The following STPG2 variants were observed in gnomAD, a reference collection of about 807,000 sequenced individuals.
STPG2 encodes sperm-tail PG-rich repeat-containing protein 2.
In STPG2, 56 loss-of-function variants were observed where a neutral mutation model predicts 54.2. The ratio of observed to expected loss-of-function variants is 1.03; its 90% CI spans 0.83 to 1.29. The LOEUF (loss-of-function observed/expected upper bound fraction) is 1.29. Among genes scored for constraint, STPG2 ranks in the 50% most tolerant of loss-of-function variants. STPG2 has a pLI of 0.00. For synonymous variants in STPG2, 200 were observed against 181.8 expected (o/e 1.10, Z -0.81); for missense variants, 596 against 544.9 (o/e 1.09, Z -0.93).
intron 8 of STPG2, among the ~76,000 whole-genome samples, chr4:97,928,562 T>C (rs1458077168): frequency 6.6e-6 from 1 of 152,200 alleles, no homozygotes; most frequent in Non-Finnish European, 1.5e-5. Context: ...TCCTTTGACC[T>C]CTCCCTGGGT....
chr4:97,802,533 G>A (rs1242711365), intron 9 of STPG2, among the ~76,000 whole-genome samples: 18 of 151,936 alleles, frequency 1.2e-4, no homozygotes, highest in Admixed American at 1.2e-3. Context: ...TGCAATGGTG[G>A]GATCTGGGCT....
intron 8 of STPG2, among the ~76,000 whole-genome samples, chr4:97,910,746 C>T (rs1410689288): frequency 6.6e-6 from 1 of 151,816 alleles, no homozygotes; most frequent in Admixed American, 6.6e-5. Context: ...ATGACAACAC[C>T]AAGATGGAAC....
At chr4:97,926,740 C>T (rs1732345429) in intron 8 of STPG2, among the ~76,000 whole-genome samples, 1 of 151,954 alleles carries the variant, frequency 6.6e-6, no homozygotes. Context: ...TTAACATGTT[C>T]TTCATTAATA....
intron 8 of STPG2, among the ~76,000 whole-genome samples, chr4:97,911,795 A>AG (rs1489302671): frequency 1.3e-5 from 2 of 152,148 alleles, no homozygotes; most frequent in Non-Finnish European, 2.9e-5. Context: ...GGTCTGCAGG[A>AG]GAAGGGTTCT....
At chr4:97,778,749 C>A (rs558639887) in intron 9 of STPG2, among the ~76,000 whole-genome samples, 1 of 152,160 alleles carries the variant, frequency 6.6e-6, no homozygotes, top group African/African-American at 2.4e-5. Context: ...GAGGAACAAT[C>A]GGGCAGCAAC....
intron 5 of STPG2, among the ~76,000 whole-genome samples, chr4:97,982,121 T>C (rs186890162): frequency 6.6e-6 from 1 of 152,156 alleles, no homozygotes; most frequent in South Asian, 2.1e-4. Flanking sequence ...CCTGACCTTG[T>C]GATTTGCCCG....
intron 7 of STPG2, among the ~76,000 whole-genome samples, chr4:97,969,270 T>G (rs557775681): frequency 6.6e-6 from 1 of 152,222 alleles, no homozygotes; most frequent in African/African-American, 2.4e-5. Flanking sequence ...TTAAGGCTGT[T>G]AGGAATTGCT....
chr4:97,730,729 T>C (rs912651501), intron 9 of STPG2, among the ~76,000 whole-genome samples: 2 of 152,220 alleles, frequency 1.3e-5, no homozygotes, highest in African/African-American at 4.8e-5. Flanking sequence ...TTTAAATCTT[T>C]TTTTCTGACT....
chr4:97,919,181 G>C (rs899747061), intron 8 of STPG2, among the ~76,000 whole-genome samples: 7 of 151,842 alleles, frequency 4.6e-5, no homozygotes, highest in Admixed American at 2.0e-4. Flanking sequence ...AGAATTTGTA[G>C]AATTCAGCTA....
At chr4:97,959,891 C>T (rs965774405) in intron 7 of STPG2, among the ~76,000 whole-genome samples, 12 of 151,666 alleles carry the variant, frequency 7.9e-5, no homozygotes, top group African/African-American at 2.9e-4. Context: ...AAGGACATAA[C>T]AAAAAAAGAA....
intron 9 of STPG2, among the ~76,000 whole-genome samples, chr4:97,738,172 G>A (rs1027634653): frequency 5.3e-5 from 8 of 152,158 alleles, no homozygotes; most frequent in Non-Finnish European, 1.0e-4. Context: ...GAGAGATTTT[G>A]TTACCACCAG....
chr4:97,943,933 C>A lies in STPG2; in HGVS notation c.1008G>T (p.Leu336Phe). The A allele has an allele frequency of 1.3e-6, 2 of 1,592,240 alleles. No homozygotes were observed. The highest frequency in any genetic ancestry group is 1.1e-5 in the South Asian group (1 of 86,964). ...CTTTCATAGTTCTTTTGGCTCTTGACAAGAAAGCAGCATATTTGTTAGTCA... is the reference window on the plus strand; with the variant it reads ...CTTTCATAGTTCTTTTGGCTCTTGAAAAGAAAGCAGCATATTTGTTAGTCA... ...PNLTNKYAAF[L>F]SRAKRTMKVP... Residue 336 changes from leucine (L) to phenylalanine (F), a missense_variant, in exon 8 of 11, where the codon TTG (leucine) becomes TTT (phenylalanine). By Grantham distance (22) the Leu-to-Phe change is conservative. Coordinates refer to ENST00000295268, the MANE Select transcript of STPG2 (RefSeq NM_174952.3).
intron 8 of STPG2, among the ~76,000 whole-genome samples, chr4:97,923,050 C>G (rs2149211399): frequency 6.6e-6 from 1 of 152,320 alleles, no homozygotes. Flanking sequence ...TTCCCATGTA[C>G]TTGTGTTGAT....
At chr4:97,775,294 G>A (rs749612464) in intron 9 of STPG2, among the ~76,000 whole-genome samples, 6 of 152,132 alleles carry the variant, frequency 3.9e-5, no homozygotes, top group South Asian at 2.1e-4. Flanking sequence ...GAGGCTACAC[G>A]TGCACAACGT....
chr4:98,111,722 A>G (rs1301968164), intron 3 of STPG2, among the ~76,000 whole-genome samples: 1 of 152,140 alleles, frequency 6.6e-6, no homozygotes. Flanking sequence ...TATGTATTTG[A>G]GGCTGTTTCC....
intron 10 of STPG2, among the ~76,000 whole-genome samples, chr4:97,595,727 T>C (rs745936566): frequency 6.6e-6 from 1 of 152,096 alleles, no homozygotes; most frequent in Non-Finnish European, 1.5e-5. Context: ...CTAAGGGAAT[T>C]TGTTACCACC....
chr4:97,493,108 G>A (rs1242384073), intron 4 of STPG2, among the ~76,000 whole-genome samples: 1 of 150,828 alleles, frequency 6.6e-6, no homozygotes, highest in Admixed American at 6.7e-5. Flanking sequence ...TACTTTGCAG[G>A]ATAGGCCACC....
chr4:97,523,843 G>A (rs931910240), intron 4 of STPG2, among the ~76,000 whole-genome samples: 3 of 151,904 alleles, frequency 2.0e-5, no homozygotes, highest in Non-Finnish European at 4.4e-5. Context: ...GCAAAACAAT[G>A]CCAAATAAAT....
intron 8 of STPG2, among the ~76,000 whole-genome samples, chr4:97,853,048 C>T (rs1430485780): frequency 7.4e-6 from 1 of 134,714 alleles, no homozygotes; most frequent in Non-Finnish European, 1.5e-5. Context: ...GCGATCTCGG[C>T]TCACTGCAAG....
Sources: allele counts gnomAD v4.1 joint callset (sites outside exome capture counted in the v4.1 genomes callset), GRCh38; gene constraint gnomAD v4.1.1; transcripts MANE v1.5; gene names NCBI Gene and HGNC (gene_info 2026-07-23, HGNC 2026-07-21).